The following PAWR variants were observed in gnomAD, a reference collection of about 807,000 sequenced individuals.
The protein encoded by PAWR is PRKC apoptosis WT1 regulator protein.
PAWR carries 23 observed loss-of-function variants against 32.0 expected under a neutral mutation model. That is an observed-to-expected ratio of 0.72 (90% CI 0.52 to 1.02). The LOEUF (loss-of-function observed/expected upper bound fraction) is 1.02, where lower values mean the gene tolerates loss of function less well. Ranked by LOEUF, PAWR falls within the 50% of genes least tolerant of loss-of-function variation. PAWR has a pLI of 0.00. For missense variants in PAWR, 457 were observed against 437.7 expected, an observed-to-expected ratio of 1.04 and a Z score of -0.39; for synonymous variants, 226 against 187.1, an observed-to-expected ratio of 1.21 and a Z score of -1.70.
chr12:79,597,735 GTATT>G (rs1200914665), intron 4 of PAWR: 1 of 152,168 alleles, frequency 6.6e-6, no homozygotes, highest in South Asian at 2.1e-4. Context: ...ACATATGTCA[GTATT>G]TAAAGTTTTT....
Position 79,586,950 on chromosome 12 carries a change from G to A in PAWR, c.*5657C>T, listed in dbSNP as rs1873400506. On this transcript the variant is annotated 3_prime_UTR_variant, in exon 7 of 7. Transcript: ENST00000328827. ...CATTACATAATTCTTTTTAAGAGTT[G>A]ACCAGGAATGAAATGTAACCTCTTT... 1 of 152,068 alleles carries A rather than the reference G, an allele frequency of 6.6e-6. No individual in the cohort carries two copies. The highest frequency in any genetic ancestry group is 1.5e-5 in the Non-Finnish European group (1 of 67,976). 9.4% of individuals were successfully genotyped at this position (152,068 alleles called of 1,614,324 possible). A position where few individuals can be genotyped will look rare whatever the true frequency, so the allele number is the denominator to read the frequency against.
intron 4 of PAWR, among the ~76,000 whole-genome samples, chr12:79,599,549 C>T (rs930161111): frequency 6.6e-6 from 1 of 152,116 alleles, no homozygotes; most frequent in Admixed American, 6.5e-5. Flanking sequence ...ATACTGTAAC[C>T]CTTTGCAAGT....
chr12:79,673,813 A>C (rs2136861371), intron 2 of PAWR, among the ~76,000 whole-genome samples: 1 of 152,298 alleles, frequency 6.6e-6, no homozygotes, highest in Non-Finnish European at 1.5e-5. Flanking sequence ...AACAACCACA[A>C]AAAGAATAAA....
At chr12:79,611,523 A>G (rs1002933025) in intron 4 of PAWR, among the ~76,000 whole-genome samples, 2 of 151,900 alleles carry the variant, frequency 1.3e-5, no homozygotes, top group African/African-American at 4.8e-5. Flanking sequence ...ATTAATGAAA[A>G]TAACAAACTG....
At chr12:79,663,450 A>G (rs1227967251) in intron 2 of PAWR, among the ~76,000 whole-genome samples, 1 of 152,236 alleles carries the variant, frequency 6.6e-6, no homozygotes, top group Non-Finnish European at 1.5e-5. Flanking sequence ...TAGATTCATT[A>G]AAGTTCCCTT....
At position 79,635,950 on chromosome 12, in the gene PAWR, T is replaced by C. The variant is rs8176847; in HGVS notation, c.517-14743A>G. Among the ~76,000 whole-genome samples the C allele has an allele frequency of 7.2e-5, 11 of 152,244 alleles. 1 individual carries two copies. The highest frequency in any genetic ancestry group is 3.9e-4 in the Admixed American group (6 of 15,288). Reference sequence around the variant, plus strand: ...GGTAGAGACTAGACTGACTGGACTGTATTACAAAGACATTGTGGCTAAACA... The same window carrying C: ...GGTAGAGACTAGACTGACTGGACTGCATTACAAAGACATTGTGGCTAAACA... On this transcript the variant is annotated intron_variant, in intron 2 of 6. Transcript: ENST00000328827.
At chr12:79,601,871 AT>A (rs1873975703) in intron 4 of PAWR, among the ~76,000 whole-genome samples, 3 of 152,300 alleles carry the variant, frequency 2.0e-5, no homozygotes, top group African/African-American at 7.2e-5. Context: ...AAAAATGAGA[AT>A]TTTTTAAAAA....
chr12:79,594,085 TA>T (rs1276299792), intron 6 of PAWR, among the ~76,000 whole-genome samples: 2 of 152,030 alleles, frequency 1.3e-5, no homozygotes, highest in Non-Finnish European at 2.9e-5. Flanking sequence ...CCTCAGATTT[TA>T]ACAAAACAGA....
intron 2 of PAWR, among the ~76,000 whole-genome samples, chr12:79,640,727 C>T (rs766820870): frequency 2.6e-5 from 4 of 151,808 alleles, no homozygotes; most frequent in African/African-American, 9.7e-5. Flanking sequence ...AGCCTGGGTG[C>T]CAGAGCAAGA....
intron 2 of PAWR, among the ~76,000 whole-genome samples, chr12:79,651,558 C>T (rs568689952): frequency 6.6e-6 from 1 of 152,140 alleles, no homozygotes; most frequent in South Asian, 2.1e-4. Context: ...CTAGTCTGGG[C>T]CACAAAAGAC....
chr12:79,613,928 CCAT>C (rs1168592094), intron 3 of PAWR, among the ~76,000 whole-genome samples: 5 of 81,214 alleles, frequency 6.2e-5, no homozygotes, highest in African/African-American at 2.1e-4. Flanking sequence ...AAAAGTACCA[CCAT>C]TATATATATA....
chr12:79,613,188 A>G (rs1874520332), intron 4 of PAWR, among the ~76,000 whole-genome samples: 1 of 152,244 alleles, frequency 6.6e-6, no homozygotes, highest in Admixed American at 6.5e-5. Context: ...GTGGACATGC[A>G]GCCTCCAGAA....
chr12:79,616,861 C>T (rs557901432), intron 3 of PAWR, among the ~76,000 whole-genome samples: 35 of 152,182 alleles, frequency 2.3e-4, no homozygotes, highest in African/African-American at 7.7e-4. Context: ...GCGGGTTTGC[C>T]ATTACAGTCA....
Position 79,689,736 on chromosome 12 carries a change from G to A in PAWR, c.509C>T (p.Ala170Val). 1.3e-6 allele frequency: 2 copies of A among 1,559,420 alleles called. No homozygotes were observed. The highest frequency in any genetic ancestry group is 1.7e-6 in the Non-Finnish European group (2 of 1,155,920). ...RRSTGVVNIP[A>V]AECLDEYEDD... ...GGCCCCCGCCCGGCTCACCTCTGCG[G>A]CAGGGATGTTGACCACGCCGGTGGA... Residue 170 changes from alanine (A) to valine (V), a missense_variant, in exon 2 of 7, where the codon GCC becomes GTC. Coordinates refer to ENST00000328827, the MANE Select transcript of PAWR (RefSeq NM_002583.4).
At chr12:79,604,133 G>T in intron 4 of PAWR, 1 of 543,398 alleles carries the variant, frequency 1.8e-6, no homozygotes, top group Non-Finnish European at 2.3e-6. Flanking sequence ...AGCCAGATAT[G>T]CACAGTGCAA....
chr12:79,607,074 C>G lies in PAWR; in HGVS notation c.683+6501G>C, dbSNP rs1565999739. Among the ~76,000 whole-genome samples the G allele has an allele frequency of 2.0e-5, 3 of 152,168 alleles. No homozygotes were observed. The South Asian group carries it at 6.2e-4, about 31-fold the overall frequency. ...TCAAATCTATTAACTAGAAAGGTCACTGCTATTGCATGCCTGACAGCATTG... is the reference window on the plus strand; with the variant it reads ...TCAAATCTATTAACTAGAAAGGTCAGTGCTATTGCATGCCTGACAGCATTG... On this transcript the variant is annotated intron_variant, in intron 4 of 6. Transcript: ENST00000328827.
At chr12:79,639,336 T>C (rs1184776526) in intron 2 of PAWR, among the ~76,000 whole-genome samples, 2 of 152,204 alleles carry the variant, frequency 1.3e-5, no homozygotes, top group African/African-American at 2.4e-5. Flanking sequence ...TTTAAAATTT[T>C]CTTGGCTTCT....
chr12:79,690,434 A>T, intron 1 of PAWR, 43 bp from the exon 2 acceptor site: 1 of 1,222,820 alleles, frequency 8.2e-7, no homozygotes, highest in Non-Finnish European at 1.1e-6. Context: ...GAAGCGTAAG[A>T]TCCCCGCCCG....
chr12:79,632,424 C>T (rs1481847389), intron 2 of PAWR, among the ~76,000 whole-genome samples: 1 of 140,024 alleles, frequency 7.1e-6, no homozygotes, highest in Non-Finnish European at 1.5e-5. Context: ...AGTGGTGCAA[C>T]CATGGGTCAC....
Sources: gnomAD v4.1 joint callset for allele counts (sites outside exome capture counted in the v4.1 genomes callset) on GRCh38, gnomAD v4.1.1 for gene constraint, MANE v1.5 for transcripts, NCBI Gene and HGNC (gene_info 2026-07-23, HGNC 2026-07-21) for gene names.